RSBN1: variants seen among roughly 807,000 people sequenced by gnomAD.
The protein encoded by RSBN1 is round spermatid basic protein 1.
RSBN1 carries 23 observed loss-of-function variants against 74.8 expected under a neutral mutation model. The observed-to-expected ratio is 0.31, with a 90% CI of 0.22 to 0.44. The LOEUF is 0.44. RSBN1 is among the 20% of genes least tolerant of loss of function. The pLI, the probability that RSBN1 is intolerant of heterozygous loss-of-function variation, is 1.00. For missense variants in RSBN1, 808 were observed against 1,020.9 expected (o/e 0.79, Z 2.84); for synonymous variants, 407 against 379.6 (o/e 1.07, Z -0.84).
chr1:113,794,396 T>C (rs1660430026), intron 2 of RSBN1, among the ~76,000 whole-genome samples: 1 of 152,178 alleles, frequency 6.6e-6, no homozygotes, highest in African/African-American at 2.4e-5. Context: ...CCCAATTATC[T>C]TTAGGAAAAA....
Position 113,812,246 on chromosome 1 carries a change from A to T in RSBN1, c.167T>A (p.Val56Glu). ...VGEMAAQVGA[V>E]RVVRAVAAQE... The stretch of plus-strand genomic sequence containing the variant: ...CGCCGCCACCGCCCGTACTACGCGC[A>T]CCGCTCCGACCTGCGCAGCCATTTC... The change falls in exon 1 of 7, where the codon GTG (valine) becomes GAG (glutamate). Residue 56 changes from valine (V) to glutamate (E), a missense_variant. Val to Glu is a moderately radical substitution (Grantham distance 121). This residue lies in a region of RSBN1 where 464 missense variants were observed against 401.0 expected (regional missense o/e 1.16). Transcript: ENST00000261441. The T allele has an allele frequency of 6.2e-7, 1 of 1,606,046 alleles. No homozygotes were observed.
chr1:113,762,889 G>A lies in RSBN1; in HGVS notation c.*3091C>T, dbSNP rs1370647010. ...AAGAGCTTGTAATATTAGTCAACTG[G>A]TATTCCAACTGTCTCTTAAGGGGAA... On this transcript the variant is annotated 3_prime_UTR_variant, in exon 7 of 7. Coordinates refer to ENST00000261441, the MANE Select transcript of RSBN1 (RefSeq NM_018364.5). 6.6e-6 allele frequency: 1 copy of A among 152,560 alleles called. No homozygotes were observed. The highest frequency in any genetic ancestry group is 6.6e-5 in the Admixed American group (1 of 15,258). The allele number at this position is 152,560 out of a possible 1,614,324, so 9.5% of individuals were successfully genotyped here.
In RSBN1 at chr1:113,766,244, T is replaced by C; in HGVS notation, c.2145A>G (p.Glu715=). ...AACCACAGTCCATGTTAGAATTGCT[T>C]TCTGTGTTTTGAGTGGCTTCCACAA... is the stretch of plus-strand genomic sequence containing the variant. ...HPVVEATQNT[E]SNSNMDCGLT... is the part of the protein sequence containing the mutation. The change falls in exon 7 of 7, where the codon GAA becomes GAG. Residue 715 remains glutamate (E), a synonymous_variant. Coordinates refer to ENST00000261441, the MANE Select transcript of RSBN1 (RefSeq NM_018364.5). 2 of 1,614,136 alleles carry C rather than the reference T, an allele frequency of 1.2e-6. No individual in the cohort carries two copies. Among genetic ancestry groups the C allele is most frequent in the Non-Finnish European group, 1.7e-6 (2 of 1,179,976 alleles).
chr1:113,767,399 G>T (rs1365627820), intron 5 of RSBN1, among the ~76,000 whole-genome samples, 192 bp from the exon 6 acceptor site: 1 of 151,952 alleles, frequency 6.6e-6, no homozygotes, highest in East Asian at 1.9e-4. Context: ...AATCAGATTT[G>T]CTGTTGTAAA....
intron 1 of RSBN1, among the ~76,000 whole-genome samples, chr1:113,808,057 G>A (rs116247639): frequency 2.0e-5 from 3 of 151,980 alleles, no homozygotes; most frequent in African/African-American, 4.8e-5. Context: ...CTCTTACACC[G>A]CTGACAGGAA....
At chr1:113,784,421 T>C (rs1363991389) in intron 2 of RSBN1, among the ~76,000 whole-genome samples, 1 of 152,248 alleles carries the variant, frequency 6.6e-6, no homozygotes, top group Non-Finnish European at 1.5e-5. Flanking sequence ...TTGTACTGAA[T>C]ACTGTAGTCC....
chr1:113,792,017 C>T (rs1370907142), intron 2 of RSBN1, among the ~76,000 whole-genome samples: 2 of 152,092 alleles, frequency 1.3e-5, no homozygotes, highest in Non-Finnish European at 2.9e-5. Context: ...GAACCGTAGA[C>T]ACTAAAATTA....
intron 1 of RSBN1, among the ~76,000 whole-genome samples, chr1:113,811,017 A>T (rs897723100): frequency 2.0e-5 from 3 of 152,202 alleles, no homozygotes; most frequent in African/African-American, 7.2e-5. Context: ...AGACAGAATC[A>T]AATGCAACTG....
chr1:113,789,758 A>C (rs752138768), intron 2 of RSBN1, among the ~76,000 whole-genome samples: 1 of 152,204 alleles, frequency 6.6e-6, no homozygotes, highest in Non-Finnish European at 1.5e-5. Flanking sequence ...CATTTGGGCA[A>C]AGAAGTCTTC....
intron 2 of RSBN1, among the ~76,000 whole-genome samples, chr1:113,782,122 T>G (rs1404943798): frequency 1.3e-5 from 2 of 152,184 alleles, no homozygotes; most frequent in Admixed American, 1.3e-4. Context: ...TTTGCCACAT[T>G]CTAAATATAC....
At position 113,776,415 on chromosome 1, in the gene RSBN1, G is replaced by A. The variant is rs76400777; in HGVS notation, c.1658+795C>T. On this transcript the variant is annotated intron_variant, in intron 4 of 6. Transcript: ENST00000261441. ...TTGGTTTTGGTTTGGGTTTGAGTCA[G>A]GATCTTGTCGTGGAGTCCTGGGCTC... Among the ~76,000 whole-genome samples the A allele has an allele frequency of 1.6e-4, 24 of 152,314 alleles. No individual in the cohort carries two copies. The East Asian group carries it at 4.6e-3, about 29-fold the overall frequency.
intron 4 of RSBN1, among the ~76,000 whole-genome samples, chr1:113,772,468 A>G (rs1659902897): frequency 2.0e-5 from 3 of 152,160 alleles, no homozygotes; most frequent in Admixed American, 1.3e-4. Flanking sequence ...TCGTAAAAAT[A>G]TATTTGCCTC....
At chr1:113,786,310 T>C (rs945358489) in intron 2 of RSBN1, among the ~76,000 whole-genome samples, 16 of 152,186 alleles carry the variant, frequency 1.1e-4, no homozygotes, top group African/African-American at 2.2e-4. Flanking sequence ...ATGTGATAGG[T>C]TGAAAAACGG....
chr1:113,803,086 A>G (rs1660618731), intron 1 of RSBN1, among the ~76,000 whole-genome samples: 1 of 152,154 alleles, frequency 6.6e-6, no homozygotes, highest in Admixed American at 6.5e-5. Context: ...GTGTCATATA[A>G]TTGGAATCAT....
Position 113,763,191 on chromosome 1 carries a change from C to T in RSBN1, c.*2789G>A, listed in dbSNP as rs1303992923. 1 of 152,634 alleles carries T rather than the reference C, an allele frequency of 6.6e-6. No individual in the cohort carries two copies. Among genetic ancestry groups the T allele is most frequent in the Admixed American group, 6.6e-5 (1 of 15,262 alleles). The allele number at this position is 152,634 out of a possible 1,614,324, so 9.5% of individuals were successfully genotyped here. A position where few individuals can be genotyped will look rare whatever the true frequency, so the allele number is the denominator to read the frequency against. On this transcript the variant is annotated 3_prime_UTR_variant, in exon 7 of 7. Coordinates refer to ENST00000261441, the MANE Select transcript of RSBN1 (RefSeq NM_018364.5). ...GACTTTTATGCTTTTTAATGAATACCATGAAATTATTCTACTTTACTAAGT... is the reference window on the plus strand; with the variant it reads ...GACTTTTATGCTTTTTAATGAATACTATGAAATTATTCTACTTTACTAAGT...
chr1:113,786,002 A>G (rs1324963932), intron 2 of RSBN1, among the ~76,000 whole-genome samples: 1 of 152,240 alleles, frequency 6.6e-6, no homozygotes, highest in Non-Finnish European at 1.5e-5. Flanking sequence ...TCAGAGGGGC[A>G]CAAAAAGTAA....
intron 2 of RSBN1, among the ~76,000 whole-genome samples, chr1:113,786,761 A>G (rs1660252044): frequency 6.6e-6 from 1 of 152,166 alleles, no homozygotes; most frequent in Admixed American, 6.5e-5. Flanking sequence ...ACTTGAGTCC[A>G]GGAGTTCAAG....
At chr1:113,787,095 T>C (rs893517689) in intron 2 of RSBN1, among the ~76,000 whole-genome samples, 2 of 152,190 alleles carry the variant, frequency 1.3e-5, no homozygotes, top group African/African-American at 2.4e-5. Flanking sequence ...TTAGGAGAAA[T>C]TGTCATTCTG....
intron 4 of RSBN1, among the ~76,000 whole-genome samples, chr1:113,769,752 CA>C (rs1428923737): frequency 6.6e-6 from 1 of 152,036 alleles, no homozygotes; most frequent in Non-Finnish European, 1.5e-5. Flanking sequence ...GATCAGCAGC[CA>C]AAAAGGCAGC....
Sources: gnomAD v4.1 joint callset for allele counts (sites outside exome capture counted in the v4.1 genomes callset) on GRCh38, gnomAD v4.1.1 for gene constraint, gnomAD v4.1.1 regional missense constraint, MANE v1.5 for transcripts, NCBI Gene and HGNC (gene_info 2026-07-23, HGNC 2026-07-21) for gene names.